The following SP2 variants were observed in gnomAD, a reference collection of about 807,000 sequenced individuals.
SP2 encodes Sp2 transcription factor.
SP2 carries 9 observed loss-of-function variants against 50.1 expected under a neutral mutation model. That is an observed-to-expected ratio of 0.18 (90% confidence interval 0.11 to 0.31). SP2 has a LOEUF of 0.31. SP2 is among the 10% of genes least tolerant of loss of function. SP2 has a pLI of 1.00. For missense variants in SP2, 581 were observed against 806.5 expected, an observed-to-expected ratio of 0.72 and a Z score of 3.39; for synonymous variants, 313 against 326.6, an observed-to-expected ratio of 0.96 and a Z score of 0.45.
At chr17:47,914,158 G>C (rs1440400259) in intron 1 of SP2, among the ~76,000 whole-genome samples, 1 of 152,178 alleles carries the variant, frequency 6.6e-6, no homozygotes, top group Non-Finnish European at 1.5e-5. Context: ...ATCACCTGAG[G>C]TCAGGAGTTT....
chr17:47,911,060 T>TA (rs2034962879), intron 1 of SP2, among the ~76,000 whole-genome samples: 1 of 151,858 alleles, frequency 6.6e-6, no homozygotes, highest in South Asian at 2.1e-4. Flanking sequence ...ACCCCGTCTC[T>TA]AGAAAATACA....
chr17:47,928,199 G>T lies in SP2; in HGVS notation c.*375G>T. On this transcript the variant is annotated 3_prime_UTR_variant, in exon 7 of 7. Coordinates refer to ENST00000376741, the MANE Select transcript of SP2 (RefSeq NM_003110.6). ...CCGATCCCCGCTCCCAACACTGCCG[G>T]AGTCGCGTCATGCCATGCCCCCTCT... The T allele has an allele frequency of 5.4e-6, 1 of 183,846 alleles. No homozygotes were observed. 11.4% of individuals were successfully genotyped at this position (183,846 alleles called of 1,614,324 possible). A position where few individuals can be genotyped will look rare whatever the true frequency, so the allele number is the denominator to read the frequency against.
intron 1 of SP2, chr17:47,909,708 C>T (rs746184577): frequency 1.1e-4 from 109 of 983,750 alleles, no homozygotes; most frequent in Non-Finnish European, 1.3e-4. Context: ...ACTAATGAAC[C>T]ACACAGTCAG....
intron 1 of SP2, among the ~76,000 whole-genome samples, chr17:47,901,770 A>T (rs2034551727): frequency 6.6e-6 from 1 of 152,158 alleles, no homozygotes; most frequent in Non-Finnish European, 1.5e-5. Flanking sequence ...GTGCCAGGAT[A>T]TGCAAATCTG....
At chr17:47,909,590 C>T in intron 1 of SP2, 1 of 459,658 alleles carries the variant, frequency 2.2e-6, no homozygotes, top group South Asian at 9.3e-5. Flanking sequence ...TGCCTTTAAA[C>T]CCTCGATGCA....
At chr17:47,901,571 A>G (rs1319639889) in intron 1 of SP2, among the ~76,000 whole-genome samples, 2 of 152,170 alleles carry the variant, frequency 1.3e-5, no homozygotes, top group African/African-American at 4.8e-5. Flanking sequence ...TTAATAATGC[A>G]TATCAGTTGA....
intron 1 of SP2, among the ~76,000 whole-genome samples, chr17:47,911,862 G>A (rs192492660): frequency 3.3e-5 from 5 of 151,760 alleles, no homozygotes; most frequent in African/African-American, 1.2e-4. Context: ...AAAGGCCTCT[G>A]CGGAGATGCC....
chr17:47,925,144 C>T, intron 5 of SP2, 51 bp downstream of exon 5: 2 of 1,549,696 alleles, frequency 1.3e-6, no homozygotes, highest in Non-Finnish European at 1.7e-6. Context: ...GTTCCCCAAG[C>T]CCCTCCTGGA....
chr17:47,930,923 G>C (rs1019767068), downstream of SP2, among the ~76,000 whole-genome samples: 1 of 151,756 alleles, frequency 6.6e-6, no homozygotes, highest in African/African-American at 2.4e-5. Flanking sequence ...AAGAAAGAGG[G>C]ACTGGGCAGG....
chr17:47,923,001 C>G lies in SP2; in HGVS notation c.1099C>G (p.Leu367Val). Residue 367 changes from leucine to valine, a missense_variant, in exon 4 of 7, where the codon CTT becomes GTT. This residue lies in a region of SP2 where 397 missense variants were observed against 491.0 expected (regional missense o/e 0.81). Transcript: ENST00000376741. ...GCCTTCCGGTGAGGTGCAGACAGTC[C>G]TTGTCCAGGACAGCCCCCCAGCAAC... ...RTPSGEVQTV[L>V]VQDSPPATAA... 6.2e-7 allele frequency: 1 copy of G among 1,614,148 alleles called. No homozygotes were observed. Among genetic ancestry groups the G allele is most frequent in the Non-Finnish European group, 8.5e-7 (1 of 1,180,006 alleles).
chr17:47,912,438 T>C (rs1443915028), intron 1 of SP2, among the ~76,000 whole-genome samples: 2 of 150,838 alleles, frequency 1.3e-5, no homozygotes, highest in African/African-American at 4.9e-5. Flanking sequence ...AGTTTCCACT[T>C]CACCTTTTTT....
At chr17:47,907,187 ACGG>A (rs965358865) in intron 1 of SP2, among the ~76,000 whole-genome samples, 2 of 151,782 alleles carry the variant, frequency 1.3e-5, no homozygotes, top group African/African-American at 4.8e-5. Flanking sequence ...GAGGGAGGGG[ACGG>A]CAGGGTGCCA....
intron 5 of SP2, 87 bp from the exon 6 acceptor site, chr17:47,925,261 C>T (rs887297097): frequency 1.7e-5 from 24 of 1,433,782 alleles, no homozygotes; most frequent in Non-Finnish European, 2.2e-5. Flanking sequence ...ACCCCACATC[C>T]TCACTGCATC....
intron 4 of SP2, 104 bp downstream of exon 4, chr17:47,923,378 C>T: frequency 1.1e-6 from 1 of 938,554 alleles, no homozygotes; most frequent in Non-Finnish European, 1.6e-6. Context: ...AGTGAGGATG[C>T]TGTCCATCAT....
In SP2 at chr17:47,916,456, A is replaced by G. The variant is rs749149364; in HGVS notation, c.385A>G (p.Asn129Asp). The change falls in exon 3 of 7, where the codon AAT (asparagine) becomes GAT (aspartate). Residue 129 changes from asparagine (N) to aspartate (D), a missense_variant. Asn to Asp is a conservative substitution (Grantham distance 23, BLOSUM62 1). This residue lies in a region of SP2 where 397 missense variants were observed against 491.0 expected (regional missense o/e 0.81). Transcript: ENST00000376741. The surrounding 1 kb of genome is among the most constrained non-coding windows in gnomAD (Gnocchi z 4.7). ...CAACAAAGGGACCCGATCAAATGCCAATATCCAGTACCAGGCGGTCCCTCA... is the reference window on the plus strand; with the variant it reads ...CAACAAAGGGACCCGATCAAATGCCGATATCCAGTACCAGGCGGTCCCTCA... Reference protein sequence around the residue: ...MINKGTRSNANIQYQAVPQIQ... With the variant: ...MINKGTRSNADIQYQAVPQIQ... The G allele has an allele frequency of 6.2e-7, 1 of 1,613,946 alleles. No individual in the cohort carries two copies. The highest frequency in any genetic ancestry group is 8.5e-7 in the Non-Finnish European group (1 of 1,180,010).
At chr17:47,924,675 C>G (rs1192146213) in intron 4 of SP2, among the ~76,000 whole-genome samples, 1 of 152,146 alleles carries the variant, frequency 6.6e-6, no homozygotes, top group Non-Finnish European at 1.5e-5. Flanking sequence ...GCTGTGTGAT[C>G]TTGATATGTT....
intron 3 of SP2, among the ~76,000 whole-genome samples, chr17:47,921,805 T>C (rs1401772652): frequency 6.6e-6 from 1 of 152,236 alleles, no homozygotes; most frequent in Non-Finnish European, 1.5e-5. Flanking sequence ...AGTTACAAGC[T>C]AAGGCCTGGG....
intron 3 of SP2, among the ~76,000 whole-genome samples, chr17:47,918,029 T>C (rs1321283794): frequency 6.6e-6 from 1 of 152,054 alleles, no homozygotes; most frequent in African/African-American, 2.4e-5. Flanking sequence ...AATTGAGATT[T>C]GTAACTTCAG....
At chr17:47,926,772 G>A (rs2035666574) in intron 6 of SP2, among the ~76,000 whole-genome samples, 1 of 151,556 alleles carries the variant, frequency 6.6e-6, no homozygotes, top group Admixed American at 6.6e-5. Context: ...AAAAAAAAAA[G>A]GATTATACAT....
Sources: allele counts gnomAD v4.1 joint callset (sites outside exome capture counted in the v4.1 genomes callset), GRCh38; gene constraint gnomAD v4.1.1; regional missense constraint gnomAD v4.1.1; non-coding constraint Gnocchi (gnomAD v3.1); transcripts MANE v1.5; gene names NCBI Gene and HGNC (gene_info 2026-07-23, HGNC 2026-07-21).